PCDHA4: variants seen among roughly 807,000 people sequenced by gnomAD.
PCDHA4 encodes the protein protocadherin alpha 4.
PCDHA4 carries 49 observed loss-of-function variants against 61.4 expected under a neutral mutation model. That is an observed-to-expected ratio of 0.80 (90% CI 0.63 to 1.01). The LOEUF is 1.01. Among genes scored for constraint, PCDHA4 ranks in the 50% least tolerant of loss-of-function variants. The probability of loss-of-function intolerance (pLI) is 0.00; values close to 1 mark genes in which losing one functional copy is unlikely to be tolerated. For missense variants in PCDHA4, 1,254 were observed against 1,235.8 expected (o/e 1.01, Z -0.22); for synonymous variants, 590 against 550.3 (o/e 1.07, Z -1.01).
At chr5:140,917,498 G>A (rs1303014069) in intron 1 of PCDHA4, among the ~76,000 whole-genome samples, 2 of 152,204 alleles carry the variant, frequency 1.3e-5, no homozygotes, top group African/African-American at 4.8e-5. Context: ...TGCCCAGAAT[G>A]ATATTTTCTA....
At position 140,850,814 on chromosome 5, in the gene PCDHA4, C is replaced by A. The variant is rs2150499236; in HGVS notation, c.2385+41242C>A. The A allele has an allele frequency of 8.1e-6, 13 of 1,598,168 alleles. 1 individual carries two copies. In the South Asian group the frequency reaches 1.4e-4, roughly 18 times the overall value. On this transcript the variant is annotated intron_variant, in intron 1 of 3. Transcript: ENST00000530339. ...AGAAGACCGACCTCATGGCCTTCAG[C>A]CCGGGCCTTTCTCCTTGTGCTGGAT...
intron 1 of PCDHA4, chr5:140,884,671 A>G (rs1554181819): frequency 1.3e-6 from 2 of 1,562,846 alleles, no homozygotes; most frequent in African/African-American, 2.7e-5. Context: ...AGGTAAGCTT[A>G]TATTTTAAAA....
rs782293908 is a variant in PCDHA4, at chr5:140,870,195, C to A, written c.2385+60623C>A. 3.1e-6 allele frequency: 5 copies of A among 1,614,178 alleles called. No individual in the cohort carries two copies. In the South Asian group the frequency reaches 5.5e-5, roughly 18 times the overall value. On this transcript the variant is annotated intron_variant, in intron 1 of 3. Transcript: ENST00000530339. ...TCCCAGTACGAGAGGACGCTCAGCC[C>A]AGCACGGTCATTGCCCTGATCAGCG...
intron 2 of PCDHA4, among the ~76,000 whole-genome samples, chr5:140,981,149 G>T (rs2096919822): frequency 6.6e-6 from 1 of 152,202 alleles, no homozygotes; most frequent in South Asian, 2.1e-4. Flanking sequence ...AGAAAACATT[G>T]AACTTATATG....
intron 1 of PCDHA4, chr5:140,866,269 TAAAG>T (rs2049248752): frequency 2.6e-5 from 4 of 152,174 alleles, no homozygotes; most frequent in Admixed American, 2.6e-4. Context: ...TTACTGTGAA[TAAAG>T]ACAGTGTTTG....
At position 140,858,014 on chromosome 5, in the gene PCDHA4, C is replaced by T. The variant is rs782738271; in HGVS notation, c.2385+48442C>T. 5 of 1,596,754 alleles carry T rather than the reference C, an allele frequency of 3.1e-6. No homozygotes were observed. Among genetic ancestry groups the T allele is most frequent in the African/African-American group, 1.3e-5 (1 of 74,296 alleles). ...GGTGCTGGTGAAGGACCATGGCGAG[C>T]CGTCGCTGACGGCCACGGCCACTGT... On this transcript the variant is annotated intron_variant, in intron 1 of 3. Coordinates refer to ENST00000530339, the MANE Select transcript of PCDHA4 (RefSeq NM_018907.4).
intron 1 of PCDHA4, chr5:140,834,791 A>G: frequency 6.2e-7 from 1 of 1,613,714 alleles, no homozygotes; most frequent in Non-Finnish European, 8.5e-7. Context: ...TCCCAGCGAC[A>G]CAAAGGAATC....
Position 140,848,199 on chromosome 5 carries a change from AATC to A in PCDHA4, c.2385+38630_2385+38632del, listed in dbSNP as rs2150407324. The stretch of plus-strand genomic sequence containing the variant: ...GAGAAACGGGATCTTCTGTTTCAAC[AATC>A]ATTACTTAAGAAAAAATTAAGAAAA... On this transcript the variant is annotated intron_variant, in intron 1 of 3. Coordinates refer to ENST00000530339, the MANE Select transcript of PCDHA4 (RefSeq NM_018907.4). The A allele has an allele frequency of 2.2e-5, 7 of 318,910 alleles. No individual in the cohort carries two copies. The South Asian group carries it at 2.2e-4, about 10-fold the overall frequency. The allele number at this position is 318,910 out of a possible 1,614,324, so 19.8% of individuals were successfully genotyped here.
At chr5:140,830,073 C>G (rs2150180623) in intron 1 of PCDHA4, 8 of 1,613,470 alleles carry the variant, frequency 5.0e-6, no homozygotes, top group African/African-American at 2.7e-5. Context: ...GCGCTGACAG[C>G]GACGGCCACG....
chr5:140,830,013 A>G lies in PCDHA4; in HGVS notation c.2385+20441A>G, dbSNP rs2150179527. 6 of 1,613,450 alleles carry G rather than the reference A, an allele frequency of 3.7e-6. No individual in the cohort carries two copies. The East Asian group carries it at 1.1e-4, about 30-fold the overall frequency. Reference sequence around the variant, plus strand: ...ACCACTCGTGTCCTGGACGAAGCGGACTCTCCGCGCCACCGGCTGCTGGTG... The same window carrying G: ...ACCACTCGTGTCCTGGACGAAGCGGGCTCTCCGCGCCACCGGCTGCTGGTG... On this transcript the variant is annotated intron_variant, in intron 1 of 3. Coordinates refer to ENST00000530339, the MANE Select transcript of PCDHA4 (RefSeq NM_018907.4).
intron 1 of PCDHA4, among the ~76,000 whole-genome samples, chr5:140,893,161 G>A (rs2063850346): frequency 6.6e-6 from 1 of 152,160 alleles, no homozygotes; most frequent in African/African-American, 2.4e-5. Context: ...TGGATATTGA[G>A]GTTGATTCCA....
At chr5:140,870,385 G>C (rs548890657) in intron 1 of PCDHA4, 2 of 1,614,240 alleles carry the variant, frequency 1.2e-6, no homozygotes, top group African/African-American at 2.7e-5. Context: ...GACTGCGCGG[G>C]ATGGGGGTTC....
intron 1 of PCDHA4, chr5:140,841,237 C>A (rs1428420937): frequency 1.4e-5 from 21 of 1,479,664 alleles, no homozygotes; most frequent in Non-Finnish European, 1.9e-5. Context: ...GGAGATGCAG[C>A]GGAATTGGAT....
intron 1 of PCDHA4, chr5:140,876,047 C>T (rs1305657261): frequency 5.0e-6 from 8 of 1,613,744 alleles, no homozygotes; most frequent in Non-Finnish European, 6.8e-6. Context: ...AGTATATTGC[C>T]TGAATTAGTT....
intron 1 of PCDHA4, chr5:140,822,841 C>T: frequency 1.9e-6 from 3 of 1,614,204 alleles, no homozygotes; most frequent in Non-Finnish European, 2.5e-6. Flanking sequence ...CACCCTTTTC[C>T]TGCCTGTCAA....
At chr5:140,842,999 G>A (rs782032676) in intron 1 of PCDHA4, 1 of 1,594,954 alleles carries the variant, frequency 6.3e-7, no homozygotes, top group Admixed American at 1.7e-5. Context: ...GGACGAGAAT[G>A]ACAACGCGCC....
chr5:140,952,571 C>G (rs571628495), intron 1 of PCDHA4, among the ~76,000 whole-genome samples: 2 of 152,252 alleles, frequency 1.3e-5, no homozygotes, highest in East Asian at 3.9e-4. Flanking sequence ...ACTTCGGTCC[C>G]AATCATTCAA....
intron 1 of PCDHA4, chr5:140,813,712 C>T (rs1224457042): frequency 2.0e-5 from 3 of 152,218 alleles, no homozygotes; most frequent in Non-Finnish European, 4.4e-5. Context: ...TTTCTTTTTA[C>T]AGGCTGGTCA....
chr5:140,841,236 G>A (rs1171503163), intron 1 of PCDHA4: 2 of 1,481,194 alleles, frequency 1.4e-6, no homozygotes, highest in East Asian at 2.3e-5. Flanking sequence ...GGGAGATGCA[G>A]CGGAATTGGA....
Sources: allele counts gnomAD v4.1 joint callset (sites outside exome capture counted in the v4.1 genomes callset), GRCh38; gene constraint gnomAD v4.1.1; transcripts MANE v1.5; gene names NCBI Gene and HGNC (gene_info 2026-07-23, HGNC 2026-07-21).